Variants in TTC28 observed in about 807,000 individuals in gnomAD.
The protein encoded by TTC28 is tetratricopeptide repeat domain 28.
TTC28 carries 61 observed loss-of-function variants against 198.0 expected under a neutral mutation model. That is an observed-to-expected ratio of 0.31 (90% confidence interval 0.25 to 0.38). The LOEUF (loss-of-function observed/expected upper bound fraction) is 0.38, where lower values mean the gene tolerates loss of function less well. Among genes scored for constraint, TTC28 ranks in the 10% least tolerant of loss-of-function variants. TTC28 has a pLI of 1.00. For missense variants in TTC28, 2,678 were observed against 3,164.0 expected (o/e 0.85, Z 3.69); for synonymous variants, 1,171 against 1,297.8 (o/e 0.90, Z 2.10).
chr22:28,038,249 A>C (rs918217168), intron 12 of TTC28, among the ~76,000 whole-genome samples: 9 of 152,074 alleles, frequency 5.9e-5, no homozygotes, highest in African/African-American at 1.2e-4. Flanking sequence ...GGAGGCATCA[A>C]GCTACCTGAC....
intron 12 of TTC28, among the ~76,000 whole-genome samples, chr22:28,079,967 G>A (rs1424974876): frequency 1.3e-5 from 2 of 152,158 alleles, no homozygotes; most frequent in Non-Finnish European, 2.9e-5. Flanking sequence ...GGGCTCAAGC[G>A]ATCCTCCTGC....
intron 5 of TTC28, among the ~76,000 whole-genome samples, chr22:28,258,366 G>C (rs916880221): frequency 4.6e-5 from 7 of 152,032 alleles, no homozygotes; most frequent in African/African-American, 1.7e-4. Context: ...CAGTAAAGAT[G>C]TACTATTTTG....
At chr22:28,099,823 C>T (rs1262624163) in intron 9 of TTC28, among the ~76,000 whole-genome samples, 2 of 152,122 alleles carry the variant, frequency 1.3e-5, no homozygotes, top group African/African-American at 4.8e-5. Flanking sequence ...GAAGGCATCC[C>T]GGAAATGGAC....
At chr22:28,430,832 G>A (rs1477221609) in intron 2 of TTC28, among the ~76,000 whole-genome samples, 1 of 150,966 alleles carries the variant, frequency 6.6e-6, no homozygotes, top group Non-Finnish European at 1.5e-5. Context: ...CTGGATTTCA[G>A]CTGGCATTTG....
chr22:28,563,301 G>C (rs2146000301), intron 2 of TTC28, among the ~76,000 whole-genome samples: 1 of 152,176 alleles, frequency 6.6e-6, no homozygotes, highest in South Asian at 2.1e-4. Context: ...ACTTGCTAAA[G>C]ATAACCTGAT....
chr22:28,133,544 C>A (rs557108728), intron 6 of TTC28, among the ~76,000 whole-genome samples: 2 of 152,312 alleles, frequency 1.3e-5, no homozygotes, highest in East Asian at 3.9e-4. Flanking sequence ...TCTTAGCAAA[C>A]GGCACACCAG....
chr22:28,078,313 C>T (rs1233070061), intron 12 of TTC28, among the ~76,000 whole-genome samples: 1 of 152,094 alleles, frequency 6.6e-6, no homozygotes, highest in Non-Finnish European at 1.5e-5. Context: ...TCTAGGGGCA[C>T]AGTGCATTTT....
intron 2 of TTC28, among the ~76,000 whole-genome samples, chr22:28,605,407 G>A (rs2050713135): frequency 6.6e-6 from 1 of 152,144 alleles, no homozygotes; most frequent in South Asian, 2.1e-4. Context: ...ATCAAACGGT[G>A]GCAGCTAGAA....
chr22:28,278,494 CA>C (rs1465693693), intron 5 of TTC28, among the ~76,000 whole-genome samples: 2 of 152,262 alleles, frequency 1.3e-5, no homozygotes, highest in East Asian at 3.9e-4. Flanking sequence ...TGAAGCAAGT[CA>C]CTTGATGATG....
chr22:28,616,712 T>A (rs988331113), intron 2 of TTC28, among the ~76,000 whole-genome samples: 6 of 152,070 alleles, frequency 3.9e-5, no homozygotes, highest in Admixed American at 3.3e-4. Flanking sequence ...TTAGTCGTAG[T>A]GGCATGCGCC....
intron 5 of TTC28, among the ~76,000 whole-genome samples, chr22:28,237,277 C>A (rs926704566): frequency 4.6e-5 from 7 of 152,064 alleles, no homozygotes; most frequent in African/African-American, 1.7e-4. Context: ...CTAACGTGTC[C>A]ACTGCATGTT....
chr22:28,236,008 T>C (rs992569683), intron 5 of TTC28, among the ~76,000 whole-genome samples: 2 of 152,166 alleles, frequency 1.3e-5, no homozygotes, highest in African/African-American at 2.4e-5. Context: ...CCTGGTAAGT[T>C]CCAGTTTTTC....
At chr22:28,512,377 A>G (rs2146397466) in intron 2 of TTC28, among the ~76,000 whole-genome samples, 1 of 152,312 alleles carries the variant, frequency 6.6e-6, no homozygotes, top group South Asian at 2.1e-4. Flanking sequence ...CAATTCCTCA[A>G]AGACCTAGAG....
chr22:28,492,059 A>T (rs1974085648), intron 2 of TTC28, among the ~76,000 whole-genome samples: 1 of 147,830 alleles, frequency 6.8e-6, no homozygotes, highest in Admixed American at 6.7e-5. Context: ...GAATTGAACA[A>T]TGAGAACACA....
chr22:28,325,789 A>AATATTATACTAT (rs2045519869), intron 2 of TTC28, among the ~76,000 whole-genome samples: 2 of 152,158 alleles, frequency 1.3e-5, no homozygotes, highest in Non-Finnish European at 2.9e-5. Flanking sequence ...ACTATAATAG[A>AATATTATACTAT]ATACCACTAT....
In TTC28 at chr22:28,509,838, G is replaced by C. The variant is rs140158031; in HGVS notation, c.381+119714C>G. On this transcript the variant is annotated intron_variant, in intron 2 of 22. Coordinates refer to ENST00000397906, the MANE Select transcript of TTC28 (RefSeq NM_001145418.2). ...ATAAACACAATAAAAAAATGATAAG[G>C]GGGATATCACCACTGACCCCTCAGA... Among the ~76,000 whole-genome samples the C allele has an allele frequency of 2.2e-4, 33 of 152,004 alleles. 1 individual carries two copies. Among genetic ancestry groups the C allele is most frequent in the African/African-American group, 7.7e-4 (32 of 41,496 alleles).
rs1041483898 is a variant in TTC28 at position 27,993,336 on chromosome 22, G to A, written c.5427C>T (p.Asp1809=). 1 of 1,549,942 alleles carries A rather than the reference G, an allele frequency of 6.5e-7. No individual in the cohort carries two copies. The highest frequency in any genetic ancestry group is 1.4e-5 in the African/African-American group (1 of 73,064). ...TGCACTGCTGGAGCCGGTCGCCCGG[G>A]TCGGAGGTTGGGAAGAAGACAGCCG... The part of the protein sequence containing the change: ...LPAAVFFPTS[D]PGDRLQQCSS... The change falls in exon 18 of 23, where the codon GAC becomes GAT. Residue 1809 remains aspartate, a synonymous_variant. Transcript: ENST00000397906.
At chr22:28,507,906 A>T (rs1436641137) in intron 2 of TTC28, among the ~76,000 whole-genome samples, 1 of 152,198 alleles carries the variant, frequency 6.6e-6, no homozygotes, top group Non-Finnish European at 1.5e-5. Context: ...CTCCTGAAGG[A>T]AGCACTAAAT....
At chr22:28,175,031 A>T (rs1812354856) in intron 5 of TTC28, among the ~76,000 whole-genome samples, 1 of 152,126 alleles carries the variant, frequency 6.6e-6, no homozygotes. Context: ...CTTAAAAAAA[A>T]AAAAAAAGGA....
Sources: allele counts gnomAD v4.1 joint callset (sites outside exome capture counted in the v4.1 genomes callset), GRCh38; gene constraint gnomAD v4.1.1; transcripts MANE v1.5; gene names NCBI Gene and HGNC (gene_info 2026-07-23, HGNC 2026-07-21).